DAB1: variants seen among roughly 807,000 people sequenced by gnomAD.
DAB1 encodes DAB adaptor protein 1, also known as disabled homolog 1.
A neutral mutation model predicts 64.6 loss-of-function variants in DAB1; 15 were observed. The observed-to-expected ratio is 0.23, with a 90% CI of 0.16 to 0.36. The LOEUF (loss-of-function observed/expected upper bound fraction) is 0.36, where lower values mean the gene tolerates loss of function less well. Ranked by LOEUF, DAB1 falls within the 10% of genes least tolerant of loss-of-function variation. The pLI is 1.00. For synonymous variants in DAB1, 235 were observed against 251.9 expected, an observed-to-expected ratio of 0.93 and a Z score of 0.64; for missense variants, 596 against 706.7, an observed-to-expected ratio of 0.84 and a Z score of 1.78.
chr1:57,552,908 A>T (rs912030153), intron 7 of DAB1, among the ~76,000 whole-genome samples: 4 of 152,146 alleles, frequency 2.6e-5, no homozygotes, highest in Admixed American at 2.6e-4. Flanking sequence ...AAGACATTAC[A>T]TTATTGATGG....
At position 57,136,789 on chromosome 1, in the gene DAB1, CG is replaced by C. The variant is rs547166674; in HGVS notation, c.208-149del. Reference sequence around the variant, plus strand: ...CACTTCCATATTTCTCTACTCAATGCGGCTCACATCTCCTTGGTGTTTTAGG... The same window carrying C: ...CACTTCCATATTTCTCTACTCAATGCGCTCACATCTCCTTGGTGTTTTAGG... On this transcript the variant is annotated intron_variant, in intron 3 of 14. Coordinates refer to ENST00000371236, the MANE Select transcript of DAB1 (RefSeq NM_001365792.1). 1.0e-3 allele frequency: 442 copies of C among 431,412 alleles called. 2 individuals carry two copies. Among genetic ancestry groups the C allele is most frequent in the African/African-American group, 8.2e-3 (410 of 50,000 alleles). 26.7% of individuals were successfully genotyped at this position (431,412 alleles called of 1,614,324 possible).
At chr1:58,212,689 G>A (rs1320939886) in intron 4 of DAB1, among the ~76,000 whole-genome samples, 2 of 152,216 alleles carry the variant, frequency 1.3e-5, no homozygotes, top group African/African-American at 4.8e-5. Context: ...TAACTTAATG[G>A]AGTATTCAGC....
chr1:56,999,530 C>T (rs189223592), intron 14 of DAB1, among the ~76,000 whole-genome samples: 12 of 152,184 alleles, frequency 7.9e-5, no homozygotes, highest in Non-Finnish European at 1.6e-4. Flanking sequence ...TGAGTCCTCC[C>T]TTTGCAGATA....
chr1:58,322,332 A>G (rs911810705), intron 4 of DAB1, among the ~76,000 whole-genome samples: 2 of 152,208 alleles, frequency 1.3e-5, no homozygotes, highest in Non-Finnish European at 2.9e-5. Flanking sequence ...AATTTTTGCA[A>G]TCTACCATCT....
chr1:56,997,160 T>C lies in DAB1; in HGVS notation c.*984A>G. 1 of 152,206 alleles carries C rather than the reference T, an allele frequency of 6.6e-6. No homozygotes were observed. Among genetic ancestry groups the C allele is most frequent in the East Asian group, 1.9e-4 (1 of 5,194 alleles). The allele number at this position is 152,206 out of a possible 1,614,324, so 9.4% of individuals were successfully genotyped here. A position where few individuals can be genotyped will look rare whatever the true frequency, so the allele number is the denominator to read the frequency against. On this transcript the variant is annotated 3_prime_UTR_variant, in exon 15 of 15. Coordinates refer to ENST00000371236, the MANE Select transcript of DAB1 (RefSeq NM_001365792.1). ...GAATTATTTGGCAAATGACTTTTCT[T>C]TGAAAATGGCACGTGGAGAAGACAC...
At chr1:57,847,189 A>C (rs1395766309) in intron 1 of DAB1, among the ~76,000 whole-genome samples, 1 of 152,106 alleles carries the variant, frequency 6.6e-6, no homozygotes, top group African/African-American at 2.4e-5. Context: ...CTACCATTAC[A>C]CTTCTGTCAC....
intron 3 of DAB1, among the ~76,000 whole-genome samples, chr1:58,398,147 G>A (rs1181402128): frequency 2.0e-5 from 3 of 152,230 alleles, no homozygotes; most frequent in African/African-American, 7.2e-5. Flanking sequence ...CCACATAAAA[G>A]CATGCAGTGA....
rs1199549640 is a variant in DAB1, at chr1:56,996,054, A to T, written c.*2090T>A. The stretch of plus-strand genomic sequence containing the variant: ...TGGTCAGTTTATCTAACTGAAAAAA[A>T]AATTAGACTCCTGTGACCTGATAGT... On this transcript the variant is annotated 3_prime_UTR_variant, in exon 15 of 15. Transcript: ENST00000371236. The T allele has an allele frequency of 6.6e-6, 1 of 152,190 alleles. No homozygotes were observed. Among genetic ancestry groups the T allele is most frequent in the Non-Finnish European group, 1.5e-5 (1 of 68,040 alleles). The allele number at this position is 152,190 out of a possible 1,614,324, so 9.4% of individuals were successfully genotyped here. A position where few individuals can be genotyped will look rare whatever the true frequency, so the allele number is the denominator to read the frequency against.
At chr1:57,536,552 C>A (rs1644730901) in intron 7 of DAB1, among the ~76,000 whole-genome samples, 1 of 151,876 alleles carries the variant, frequency 6.6e-6, no homozygotes, top group Non-Finnish European at 1.5e-5. Context: ...CTGCCTGAGG[C>A]AGTATCTCAA....
chr1:57,033,276 G>C, intron 9 of DAB1: 2 of 1,161,918 alleles, frequency 1.7e-6, no homozygotes, highest in Non-Finnish European at 2.6e-6. Context: ...GTACCTACTA[G>C]AGCAGAGCAG....
At chr1:57,952,126 T>C (rs1439327806) in intron 5 of DAB1, among the ~76,000 whole-genome samples, 2 of 152,116 alleles carry the variant, frequency 1.3e-5, no homozygotes, top group Non-Finnish European at 2.9e-5. Context: ...CTTTTTTTTT[T>C]CTTTGCCTCC....
At chr1:57,072,183 T>G (rs560136051) in intron 5 of DAB1, 100 bp downstream of exon 5, 1 of 1,306,588 alleles carries the variant, frequency 7.7e-7, no homozygotes, top group Non-Finnish European at 1.1e-6. Flanking sequence ...ATACATTGCT[T>G]GGTCATATCT....
intron 7 of DAB1, among the ~76,000 whole-genome samples, chr1:57,460,750 C>T (rs1428683097): frequency 6.6e-6 from 1 of 152,090 alleles, no homozygotes; most frequent in Non-Finnish European, 1.5e-5. Flanking sequence ...GTACATTCGC[C>T]AGCCCTCGGC....
intron 3 of DAB1, among the ~76,000 whole-genome samples, chr1:58,481,966 AT>A (rs1437477841): frequency 1.3e-5 from 2 of 152,246 alleles, no homozygotes; most frequent in African/African-American, 4.8e-5. Context: ...CATTAGCAGC[AT>A]GAGAATGGAC....
At chr1:57,246,999 C>T (rs572137943) in intron 2 of DAB1, among the ~76,000 whole-genome samples, 1 of 152,294 alleles carries the variant, frequency 6.6e-6, no homozygotes, top group South Asian at 2.1e-4. Context: ...ATTTTACAGG[C>T]TCACAGGCAG....
At chr1:58,417,918 A>G (rs1297234950) in intron 3 of DAB1, among the ~76,000 whole-genome samples, 1 of 152,198 alleles carries the variant, frequency 6.6e-6, no homozygotes, top group African/African-American at 2.4e-5. Flanking sequence ...GGGTTCTCTC[A>G]CACAATGAAA....
At chr1:58,437,029 C>T (rs1450572799) in intron 3 of DAB1, among the ~76,000 whole-genome samples, 1 of 152,240 alleles carries the variant, frequency 6.6e-6, no homozygotes, top group African/African-American at 2.4e-5. Context: ...AGTCTCTGGG[C>T]CTGCAGCCAC....
At chr1:57,859,883 C>G (rs1335683342) in intron 1 of DAB1, among the ~76,000 whole-genome samples, 3 of 152,168 alleles carry the variant, frequency 2.0e-5, no homozygotes, top group African/African-American at 7.2e-5. Context: ...AGACAAAGAC[C>G]TCTAATAAAC....
At position 58,388,469 on chromosome 1, in the gene DAB1, C is replaced by A. The variant is rs557336835; in HGVS notation, n.258-45066G>T. Among the ~76,000 whole-genome samples, 105 of 152,318 alleles carry A rather than the reference C, an allele frequency of 6.9e-4. 1 individual carries two copies. The South Asian group carries it at 0.017, about 24-fold the overall frequency. The stretch of plus-strand genomic sequence containing the variant: ...ACCCTTCTTCCTGCCTGGAGTGCAG[C>A]CTTGATGCTTAGAAATAAGACAGCC... On this transcript the variant is annotated intron_variant and non_coding_transcript_variant, in intron 3 of 20. Transcript: ENST00000485760.
Sources: allele counts gnomAD v4.1 joint callset (sites outside exome capture counted in the v4.1 genomes callset), GRCh38; gene constraint gnomAD v4.1.1; transcripts MANE v1.5; gene names NCBI Gene and HGNC (gene_info 2026-07-23, HGNC 2026-07-21).